Variants in ZMYND8 observed in about 807,000 individuals in gnomAD.
The protein encoded by ZMYND8 is zinc finger MYND-type containing 8.
A neutral mutation model predicts 140.8 loss-of-function variants in ZMYND8; 37 were observed. The observed-to-expected ratio is 0.26, with a 90% confidence interval of 0.20 to 0.35. The LOEUF (loss-of-function observed/expected upper bound fraction) is 0.35. Ranked by LOEUF, ZMYND8 falls within the 10% of genes least tolerant of loss-of-function variation. The probability of loss-of-function intolerance (pLI) is 1.00; values close to 1 mark genes in which losing one functional copy is unlikely to be tolerated. For synonymous variants in ZMYND8, 592 were observed against 597.1 expected, an observed-to-expected ratio of 0.99 and a Z score of 0.12; for missense variants, 1,068 against 1,570.0, an observed-to-expected ratio of 0.68 and a Z score of 5.40.
chr20:47,288,940 A>G (rs1239759536), intron 7 of ZMYND8, among the ~76,000 whole-genome samples: 2 of 152,060 alleles, frequency 1.3e-5, no homozygotes, highest in Admixed American at 1.3e-4. Flanking sequence ...CATCTCTACT[A>G]GAAATACAAA....
intron 2 of ZMYND8, among the ~76,000 whole-genome samples, chr20:47,313,810 A>T (rs1463569401): frequency 1.4e-5 from 2 of 145,246 alleles, no homozygotes; most frequent in Admixed American, 6.9e-5. Context: ...GCACGTGCCT[A>T]TAGTCCCAGC....
chr20:47,299,834 G>A (rs894165141), intron 3 of ZMYND8, among the ~76,000 whole-genome samples: 2 of 151,950 alleles, frequency 1.3e-5, no homozygotes, highest in Non-Finnish European at 2.9e-5. Flanking sequence ...TGCCCACCTC[G>A]GCCTCCCAAA....
intron 16 of ZMYND8, among the ~76,000 whole-genome samples, chr20:47,233,283 C>T (rs1311750449): frequency 1.3e-5 from 2 of 149,750 alleles, no homozygotes; most frequent in Non-Finnish European, 2.9e-5. Context: ...AATCACAGCT[C>T]ACTGCAGCTT....
At chr20:47,241,042 T>A (rs2039901634) in intron 14 of ZMYND8, among the ~76,000 whole-genome samples, 1 of 151,832 alleles carries the variant, frequency 6.6e-6, no homozygotes, top group Non-Finnish European at 1.5e-5. Flanking sequence ...ACGCCTGTAA[T>A]CCCAGCACTT....
At chr20:47,285,027 G>C (rs1480560211) in intron 8 of ZMYND8, among the ~76,000 whole-genome samples, 1 of 152,118 alleles carries the variant, frequency 6.6e-6, no homozygotes, top group Non-Finnish European at 1.5e-5. Context: ...CTTAGAGTGT[G>C]CTGGTATCAT....
intron 19 of ZMYND8, among the ~76,000 whole-genome samples, chr20:47,223,734 G>A (rs537733294): frequency 1.4e-3 from 219 of 151,268 alleles, no homozygotes; most frequent in Non-Finnish European, 2.2e-3. Context: ...GCTGAGGCAG[G>A]AGAATCGCTT....
chr20:47,245,565 C>T lies in ZMYND8; in HGVS notation c.2284+443G>A, dbSNP rs562110786. Among the ~76,000 whole-genome samples the T allele has an allele frequency of 3.3e-5, 5 of 152,272 alleles. No homozygotes were observed. In the South Asian group the frequency reaches 1.0e-3, roughly 32 times the overall value. On this transcript the variant is annotated intron_variant, in intron 14 of 22. Coordinates refer to ENST00000471951, the MANE Select transcript of ZMYND8 (RefSeq NM_001281775.3). ...CCAGCTTGAAATGAACACTCCTAAC[C>T]GTTTGAGACTTGTCAAAAGAGAATG...
At chr20:47,287,804 C>T (rs2077013908) in intron 7 of ZMYND8, among the ~76,000 whole-genome samples, 1 of 151,726 alleles carries the variant, frequency 6.6e-6, no homozygotes, top group African/African-American at 2.4e-5. Context: ...CCAGCCTGGG[C>T]AACATAGCGA....
chr20:47,291,495 G>A (rs953468036), intron 6 of ZMYND8, among the ~76,000 whole-genome samples: 2 of 152,140 alleles, frequency 1.3e-5, no homozygotes, highest in East Asian at 1.9e-4. Flanking sequence ...AGGAGGTAAC[G>A]CTCAAGTCAA....
intron 12 of ZMYND8, among the ~76,000 whole-genome samples, chr20:47,257,292 T>C (rs928090532): frequency 3.3e-5 from 5 of 152,030 alleles, no homozygotes; most frequent in African/African-American, 1.2e-4. Flanking sequence ...TATACTCATA[T>C]ACCACATATA....
At chr20:47,268,060 C>A (rs1369423659) in intron 11 of ZMYND8, among the ~76,000 whole-genome samples, 3 of 152,124 alleles carry the variant, frequency 2.0e-5, no homozygotes, top group Non-Finnish European at 4.4e-5. Context: ...CCTCTGGATG[C>A]TTATCAGGTG....
intron 12 of ZMYND8, among the ~76,000 whole-genome samples, chr20:47,256,401 C>T (rs1290734891): frequency 2.0e-5 from 3 of 152,040 alleles, no homozygotes; most frequent in Non-Finnish European, 4.4e-5. Context: ...GAGTGGATCA[C>T]GAGGTCAGGA....
intron 11 of ZMYND8, among the ~76,000 whole-genome samples, chr20:47,272,100 CAG>C (rs1321423862): frequency 4.7e-5 from 7 of 149,928 alleles, no homozygotes. Context: ...TTCTTTGAGA[CAG>C]AGTCTCACTC....
chr20:47,314,580 C>T (rs776434800), intron 2 of ZMYND8, among the ~76,000 whole-genome samples: 1 of 152,154 alleles, frequency 6.6e-6, no homozygotes, highest in Non-Finnish European at 1.5e-5. Flanking sequence ...GGGGTAGGGC[C>T]CAGCAATCTG....
intron 15 of ZMYND8, among the ~76,000 whole-genome samples, chr20:47,237,147 G>A (rs1027687483): frequency 7.6e-5 from 11 of 145,596 alleles, no homozygotes; most frequent in Admixed American, 5.4e-4. Flanking sequence ...TTTTGGCAGC[G>A]CTCTTTTTTT....
intron 12 of ZMYND8, among the ~76,000 whole-genome samples, chr20:47,255,515 A>G (rs1276697428): frequency 2.0e-5 from 3 of 149,678 alleles, no homozygotes; most frequent in East Asian, 2.0e-4. Flanking sequence ...ATATACATAT[A>G]CATATGCATA....
At chr20:47,250,875 T>C (rs2074113159) in intron 12 of ZMYND8, among the ~76,000 whole-genome samples, 1 of 152,108 alleles carries the variant, frequency 6.6e-6, no homozygotes, top group Admixed American at 6.6e-5. Flanking sequence ...GAAAGAGGTC[T>C]TTTCCCAGCC....
chr20:47,342,291 TC>T lies in ZMYND8; in HGVS notation c.85+5564del, dbSNP rs375574617. ...TGGGTGCGGTGGCTCACACCTGTAA[TC>T]CCAGCACTTTGGGAGGCCGAGGCGG... On this transcript the variant is annotated intron_variant, in intron 2 of 22. Coordinates refer to ENST00000471951, the MANE Select transcript of ZMYND8 (RefSeq NM_001281775.3). Among the ~76,000 whole-genome samples the T allele has an allele frequency of 3.5e-4, 53 of 152,196 alleles. 1 individual carries two copies. In the Middle Eastern group the frequency reaches 0.017, roughly 49 times the overall value.
Position 47,234,398 on chromosome 20 carries a change from T to C in ZMYND8, c.2856+1928A>G, listed in dbSNP as rs530565193. Among the ~76,000 whole-genome samples the C allele has an allele frequency of 7.2e-5, 11 of 152,330 alleles. No homozygotes were observed. In the South Asian group the frequency reaches 2.1e-3, roughly 29 times the overall value. ...AGCTGCCATGCTGGGGAGGCCCACA[T>C]GGCAGGGAACTGAGGGTGGCCCAGG... On this transcript the variant is annotated intron_variant, in intron 16 of 22. Transcript: ENST00000471951.
Sources: allele counts gnomAD v4.1 joint callset (sites outside exome capture counted in the v4.1 genomes callset), GRCh38; gene constraint gnomAD v4.1.1; transcripts MANE v1.5; gene names NCBI Gene and HGNC (gene_info 2026-07-23, HGNC 2026-07-21).